The following TEKT3 variants were observed in gnomAD, a reference collection of about 807,000 sequenced individuals.
TEKT3 encodes the protein tektin-3.
A neutral mutation model predicts 49.8 loss-of-function variants in TEKT3; 49 were observed. That is an observed-to-expected ratio of 0.98 (90% CI 0.78 to 1.25). TEKT3 has a LOEUF of 1.25. Among genes scored for constraint, TEKT3 ranks in the 50% most tolerant of loss-of-function variants. TEKT3 has a pLI of 0.00. For synonymous variants in TEKT3, 225 were observed against 237.2 expected, an observed-to-expected ratio of 0.95 and a Z score of 0.47; for missense variants, 595 against 629.5, an observed-to-expected ratio of 0.95 and a Z score of 0.59.
intron 8 of TEKT3, among the ~76,000 whole-genome samples, chr17:15,305,402 G>C (rs1277015916): frequency 1.3e-5 from 2 of 152,270 alleles, no homozygotes; most frequent in East Asian, 3.9e-4. Flanking sequence ...GCCAAAGTTT[G>C]GTTTTGTCTG....
chr17:15,306,998 G>A (rs1230277763), intron 8 of TEKT3: 2 of 152,206 alleles, frequency 1.3e-5, no homozygotes, highest in African/African-American at 4.8e-5. Flanking sequence ...TGCAGCCTGA[G>A]TGATCTCTTC....
chr17:15,330,423 C>T (rs1911675077), intron 3 of TEKT3, among the ~76,000 whole-genome samples: 2 of 152,026 alleles, frequency 1.3e-5, no homozygotes, highest in African/African-American at 2.4e-5. Context: ...GGTTTAGCAC[C>T]GTCCCTTCGG....
intron 5 of TEKT3, 130 bp from the exon 6 acceptor site, chr17:15,314,360 T>A (rs905238933): frequency 2.0e-5 from 26 of 1,303,640 alleles, no homozygotes; most frequent in Admixed American, 3.9e-5. Context: ...TCACACAGCG[T>A]TCAATTTCTC....
chr17:15,332,581 G>A (rs1410552813), intron 2 of TEKT3, among the ~76,000 whole-genome samples: 1 of 152,142 alleles, frequency 6.6e-6, no homozygotes, highest in Non-Finnish European at 1.5e-5. Flanking sequence ...TGGTTGATAT[G>A]CAAACGCAGC....
intron 7 of TEKT3, 146 bp downstream of exon 7, chr17:15,312,113 T>G: frequency 1.5e-6 from 1 of 680,408 alleles, no homozygotes. Context: ...ATGGCATGCT[T>G]TGTGCTGTTT....
upstream of TEKT3, among the ~76,000 whole-genome samples, chr17:15,342,776 AC>A (rs1297469201): frequency 6.6e-6 from 1 of 152,118 alleles, no homozygotes; most frequent in African/African-American, 2.4e-5. Context: ...CACAGAAAAC[AC>A]CCAGTGCTCA....
chr17:15,325,530 T>C (rs1232585732), intron 4 of TEKT3, among the ~76,000 whole-genome samples: 1 of 152,200 alleles, frequency 6.6e-6, no homozygotes, highest in East Asian at 1.9e-4. Flanking sequence ...TAGTCCCCAC[T>C]GCAGATTTGA....
At chr17:15,308,984 C>A (rs1910657901) in intron 7 of TEKT3, 166 bp from the exon 8 acceptor site, 1 of 776,040 alleles carries the variant, frequency 1.3e-6, no homozygotes, top group Admixed American at 2.7e-5. Context: ...CCCCAGGGAA[C>A]CCACGTGTCT....
intron 4 of TEKT3, among the ~76,000 whole-genome samples, chr17:15,324,408 G>A (rs1344758276): frequency 6.6e-6 from 1 of 152,084 alleles, no homozygotes; most frequent in Non-Finnish European, 1.5e-5. Context: ...AAATATCCAT[G>A]CACAAATTTT....
chr17:15,335,889 T>TA (rs1195296289), intron 2 of TEKT3, among the ~76,000 whole-genome samples: 26 of 151,768 alleles, frequency 1.7e-4, no homozygotes, highest in African/African-American at 5.8e-4. Flanking sequence ...CATTAGAAAT[T>TA]AGTGAGCTCA....
intron 7 of TEKT3, 100 bp downstream of exon 7, chr17:15,312,159 A>G: frequency 3.5e-6 from 4 of 1,144,134 alleles, no homozygotes; most frequent in Non-Finnish European, 5.1e-6. Flanking sequence ...AGGCTGTCAC[A>G]TGCCTATGGT....
In TEKT3 at chr17:15,331,564, A is replaced by G; in HGVS notation, c.22T>C (p.Leu8=). Residue 8 remains leucine (L), a synonymous_variant, in exon 3 of 9, where the codon TTA becomes CTA. Transcript: ENST00000395930. ...CTAGGGTGGGCGTAAGTTGTCGTTAAAGTACAACCTACACGTTCCATGATG... is the reference window on the plus strand; with the variant it reads ...CTAGGGTGGGCGTAAGTTGTCGTTAGAGTACAACCTACACGTTCCATGATG... MERVGCT[L]TTTYAHPRPT... 6.2e-7 allele frequency: 1 copy of G among 1,613,740 alleles called. No homozygotes were observed. Among genetic ancestry groups the G allele is most frequent in the Non-Finnish European group, 8.5e-7 (1 of 1,179,862 alleles).
In TEKT3 at chr17:15,331,236, G is replaced by C; in HGVS notation, c.350C>G (p.Ser117Trp). The change falls in exon 3 of 9, where the codon TCG becomes TGG. Residue 117 changes from serine (S) to tryptophan (W), a missense_variant. By Grantham distance (177) the Ser-to-Trp change is radical. Coordinates refer to ENST00000395930, the MANE Select transcript of TEKT3 (RefSeq NM_031898.3). Reference sequence around the variant, plus strand: ...AGATGTATCCACTCTTAGTTTCTCCGAATTATGTCGGGAAGTGTTGGACTC... The same window carrying C: ...AGATGTATCCACTCTTAGTTTCTCCCAATTATGTCGGGAAGTGTTGGACTC... ...YQESNTSRHN[S>W]EKLRVDTSRL... 6.2e-7 allele frequency: 1 copy of C among 1,614,114 alleles called. No homozygotes were observed.
intron 8 of TEKT3, among the ~76,000 whole-genome samples, chr17:15,306,089 A>ATATATATG (rs1291765039): frequency 1.2e-3 from 167 of 144,398 alleles, no homozygotes; most frequent in African/African-American, 4.0e-3. Context: ...ATTTATATAT[A>ATATATATG]TGTGTGTGTG....
chr17:15,327,940 C>T, intron 4 of TEKT3, 52 bp downstream of exon 4: 1 of 1,502,310 alleles, frequency 6.7e-7, no homozygotes, highest in Non-Finnish European at 9.3e-7. Flanking sequence ...ACATATTCAA[C>T]ATACATTTAC....
At chr17:15,306,466 G>C (rs1452873042) in intron 8 of TEKT3, among the ~76,000 whole-genome samples, 3 of 151,398 alleles carry the variant, frequency 2.0e-5, no homozygotes, top group Non-Finnish European at 4.4e-5. Context: ...AGTAGGTTTT[G>C]TTCAAAAGTC....
chr17:15,329,865 G>A (rs555680911), intron 3 of TEKT3, among the ~76,000 whole-genome samples: 1 of 152,328 alleles, frequency 6.6e-6, no homozygotes, highest in Non-Finnish European at 1.5e-5. Flanking sequence ...GAAAAATGGT[G>A]CTAGCTGTGC....
Position 15,303,881 on chromosome 17 carries a change from A to G in TEKT3, c.*55T>C. ...TAGCATTCGGTTCAAATGCTGAGAC[A>G]GTGCTCTGGCTCAGCCTTAACTTAG... On this transcript the variant is annotated 3_prime_UTR_variant, in exon 9 of 9. Coordinates refer to ENST00000395930, the MANE Select transcript of TEKT3 (RefSeq NM_031898.3). 2.0e-6 allele frequency: 3 copies of G among 1,506,418 alleles called. No individual in the cohort carries two copies. Among genetic ancestry groups the G allele is most frequent in the Non-Finnish European group, 1.8e-6 (2 of 1,084,218 alleles). The allele number at this position is 1,506,418 out of a possible 1,614,324, so 93.3% of individuals were successfully genotyped here.
chr17:15,312,148 C>G (rs1043505802), intron 7 of TEKT3, 111 bp downstream of exon 7: 17 of 1,003,612 alleles, frequency 1.7e-5, no homozygotes, highest in Non-Finnish European at 2.4e-5. Flanking sequence ...TCTGTGTGGC[C>G]AGGCTGTCAC....
Sources: allele counts gnomAD v4.1 joint callset (sites outside exome capture counted in the v4.1 genomes callset), GRCh38; gene constraint gnomAD v4.1.1; transcripts MANE v1.5; gene names NCBI Gene and HGNC (gene_info 2026-07-23, HGNC 2026-07-21).